The following CFAP44 variants were observed in gnomAD, a reference collection of about 807,000 sequenced individuals.
CFAP44 encodes cilia and flagella associated protein 44, also known as cilia- and flagella-associated protein 44.
A neutral mutation model predicts 216.2 loss-of-function variants in CFAP44; 134 were observed. That is an observed-to-expected ratio of 0.62 (90% CI 0.54 to 0.72). The LOEUF (loss-of-function observed/expected upper bound fraction) is 0.72. Among genes scored for constraint, CFAP44 ranks in the 30% least tolerant of loss-of-function variants. The pLI is 0.00. For missense variants in CFAP44, 2,035 were observed against 2,182.1 expected, an observed-to-expected ratio of 0.93 and a Z score of 1.34; for synonymous variants, 700 against 727.6, an observed-to-expected ratio of 0.96 and a Z score of 0.61.
rs141004555 is a variant in CFAP44, at chr3:113,304,471, T to C, written c.4876-354A>G. ...CAAAACATATATAAGGCTGATCTTG[T>C]TGTTGTTGTTTTCCTAAAATACAGC... On this transcript the variant is annotated intron_variant, in intron 31 of 34. Transcript: ENST00000393845. Among the ~76,000 whole-genome samples, 48 of 152,332 alleles carry C rather than the reference T, an allele frequency of 3.2e-4. No homozygotes were observed. In the East Asian group the frequency reaches 9.3e-3, roughly 29 times the overall value.
At chr3:113,364,517 C>G (rs1007276883) in intron 19 of CFAP44, among the ~76,000 whole-genome samples, 1 of 152,054 alleles carries the variant, frequency 6.6e-6, no homozygotes, top group Admixed American at 6.6e-5. Flanking sequence ...TCACTTAGGA[C>G]AAAAATTTAC....
intron 23 of CFAP44, among the ~76,000 whole-genome samples, chr3:113,343,188 G>T (rs1479298729): frequency 6.6e-6 from 1 of 151,182 alleles, no homozygotes; most frequent in Non-Finnish European, 1.5e-5. Flanking sequence ...CAGCCTCCTG[G>T]GTAGCTGGGA....
At chr3:113,383,436 A>G (rs778034407) in intron 15 of CFAP44, among the ~76,000 whole-genome samples, 5 of 152,180 alleles carry the variant, frequency 3.3e-5, no homozygotes, top group Non-Finnish European at 5.9e-5. Flanking sequence ...CTCCACCCTC[A>G]TGACCTAATT....
intron 27 of CFAP44, 69 bp from the exon 28 acceptor site, chr3:113,326,709 TTACAA>T: frequency 3.2e-6 from 3 of 934,280 alleles, no homozygotes; most frequent in Non-Finnish European, 4.5e-6. Flanking sequence ...GCAATGTACT[TTACAA>T]TACAAGGTTA....
At chr3:113,418,426 C>T (rs1444837113) in intron 5 of CFAP44, among the ~76,000 whole-genome samples, 2 of 152,130 alleles carry the variant, frequency 1.3e-5, no homozygotes, top group Non-Finnish European at 2.9e-5. Flanking sequence ...ATTAGTAAAT[C>T]ATTTACTTTA....
At chr3:113,441,351 T>C in intron 1 of CFAP44, 102 bp downstream of exon 1, 5 of 981,038 alleles carry the variant, frequency 5.1e-6, no homozygotes, top group South Asian at 4.7e-5. Flanking sequence ...GCTATAACAC[T>C]GGTCCAGCCT....
At chr3:113,357,803 C>T (rs1286870880) in intron 22 of CFAP44, among the ~76,000 whole-genome samples, 2 of 152,142 alleles carry the variant, frequency 1.3e-5, no homozygotes, top group Non-Finnish European at 2.9e-5. Context: ...CAAAACTAAA[C>T]ATGCATATAA....
At chr3:113,328,040 C>T (rs1950203123) in intron 26 of CFAP44, among the ~76,000 whole-genome samples, 1 of 151,916 alleles carries the variant, frequency 6.6e-6, no homozygotes, top group African/African-American at 2.4e-5. Context: ...GAAGTCCTTC[C>T]ACCTATTTCT....
chr3:113,350,940 G>C (rs1217316206), intron 22 of CFAP44, among the ~76,000 whole-genome samples: 1 of 152,212 alleles, frequency 6.6e-6, no homozygotes, highest in Non-Finnish European at 1.5e-5. Context: ...ACAGGGGTCT[G>C]ACCAGACCTA....
At position 113,341,826 on chromosome 3, in the gene CFAP44, T is replaced by C; in HGVS notation, c.3355A>G (p.Ile1119Val). 6.5e-7 allele frequency: 1 copy of C among 1,531,732 alleles called. No individual in the cohort carries two copies. The highest frequency in any genetic ancestry group is 8.7e-7 in the Non-Finnish European group (1 of 1,145,860). 94.9% of individuals were successfully genotyped at this position (1,531,732 alleles called of 1,614,324 possible). ...TLSEIIVENQIEKTRKLILKA... is the reference protein window; with the variant it reads ...TLSEIIVENQVEKTRKLILKA... Reference sequence around the variant, plus strand: ...AATATAAGTTTTCTCGTTTTCTCAATTTGATTTTCCACGATGATTTCACTT... The same window carrying C: ...AATATAAGTTTTCTCGTTTTCTCAACTTGATTTTCCACGATGATTTCACTT... Residue 1119 changes from isoleucine (I) to valine (V), a missense_variant, in exon 24 of 35, where the codon ATT becomes GTT. Physicochemically the swap from Ile to Val is conservative, Grantham distance 29. Transcript: ENST00000393845.
At chr3:113,342,035 C>A in intron 23 of CFAP44, 117 bp from the exon 24 acceptor site, 1 of 1,258,872 alleles carries the variant, frequency 7.9e-7, no homozygotes, top group Non-Finnish European at 1.1e-6. Flanking sequence ...ATTTGTAAAT[C>A]AAAGTATTTA....
chr3:113,369,303 T>C (rs575951500), intron 18 of CFAP44, among the ~76,000 whole-genome samples: 1 of 152,260 alleles, frequency 6.6e-6, no homozygotes, highest in Admixed American at 6.5e-5. Flanking sequence ...CCACATCATA[T>C]TTATTCTAAA....
intron 12 of CFAP44, 64 bp from the exon 13 acceptor site, chr3:113,400,064 CT>C (rs753774246): frequency 1.4e-4 from 149 of 1,071,758 alleles, no homozygotes; most frequent in Non-Finnish European, 1.8e-4. Flanking sequence ...TCTTGGCTCA[CT>C]TTTTACATGT....
At chr3:113,414,129 T>C (rs1934574851) in intron 6 of CFAP44, among the ~76,000 whole-genome samples, 1 of 152,218 alleles carries the variant, frequency 6.6e-6, no homozygotes, top group African/African-American at 2.4e-5. Flanking sequence ...TGATTGTGAA[T>C]GGAAGTTCAT....
At chr3:113,401,540 G>A in intron 10 of CFAP44, 44 bp downstream of exon 10, 1 of 1,602,552 alleles carries the variant, frequency 6.2e-7, no homozygotes. Context: ...TTAATTTTTG[G>A]TCCATGTAAT....
intron 4 of CFAP44, among the ~76,000 whole-genome samples, chr3:113,420,959 T>C (rs957360876): frequency 3.3e-5 from 5 of 152,114 alleles, no homozygotes; most frequent in African/African-American, 7.2e-5. Flanking sequence ...TGTGTATGTA[T>C]GCTATAGAGT....
At chr3:113,303,181 C>T (rs1006444784) in intron 32 of CFAP44, among the ~76,000 whole-genome samples, 2 of 152,116 alleles carry the variant, frequency 1.3e-5, no homozygotes, top group Admixed American at 1.3e-4. Context: ...TGGCAATATC[C>T]AGGAGAGCTG....
chr3:113,326,783 C>T (rs911320518), intron 27 of CFAP44, 143 bp from the exon 28 acceptor site: 6 of 443,216 alleles, frequency 1.4e-5, no homozygotes, highest in African/African-American at 2.0e-5. Context: ...CTGATGTTTG[C>T]AGAGCCATCC....
chr3:113,338,501 T>C (rs1443379353), intron 24 of CFAP44, among the ~76,000 whole-genome samples: 2 of 151,676 alleles, frequency 1.3e-5, no homozygotes, highest in South Asian at 4.2e-4. Context: ...AGATGGCAAA[T>C]AAACCAATGA....
Sources: gnomAD v4.1 joint callset for allele counts (sites outside exome capture counted in the v4.1 genomes callset) on GRCh38, gnomAD v4.1.1 for gene constraint, MANE v1.5 for transcripts, NCBI Gene and HGNC (gene_info 2026-07-23, HGNC 2026-07-21) for gene names.